The following PDE1C variants were observed in gnomAD, a reference collection of about 807,000 sequenced individuals.
PDE1C encodes the protein dual specificity calcium/calmodulin-dependent 3',5'-cyclic nucleotide phosphodiesterase 1C.
In PDE1C, 62 loss-of-function variants were observed where a neutral mutation model predicts 93.1. The ratio of observed to expected loss-of-function variants is 0.67; its 90% CI spans 0.54 to 0.82. PDE1C has a LOEUF of 0.82. Ranked by LOEUF, PDE1C falls within the 40% of genes least tolerant of loss-of-function variation. The pLI is 0.00. For missense variants in PDE1C, 742 were observed against 884.6 expected, an observed-to-expected ratio of 0.84 and a Z score of 2.04; for synonymous variants, 325 against 310.1, an observed-to-expected ratio of 1.05 and a Z score of -0.50.
chr7:32,166,730 G>A (rs1802304027), intron 3 of PDE1C, among the ~76,000 whole-genome samples: 1 of 152,184 alleles, frequency 6.6e-6, no homozygotes, highest in African/African-American at 2.4e-5. Flanking sequence ...TTAATCCAGT[G>A]ACAATCCAGA....
intron 1 of PDE1C, among the ~76,000 whole-genome samples, chr7:32,325,017 C>A (rs1282044096): frequency 6.6e-6 from 1 of 152,158 alleles, no homozygotes; most frequent in Non-Finnish European, 1.5e-5. Context: ...CTTATTTGAC[C>A]AAGGAACCTT....
the PDE1C span, among the ~76,000 whole-genome samples, chr7:31,743,527 TCAGCATTGA>T: frequency 6.6e-6 from 1 of 151,410 alleles, no homozygotes; most frequent in Non-Finnish European, 1.5e-5. Context: ...TAAAACCACA[TCAGCATTGA>T]GAAGTTCGCT....
At chr7:32,146,254 C>A (rs1800828636) in intron 3 of PDE1C, among the ~76,000 whole-genome samples, 1 of 152,154 alleles carries the variant, frequency 6.6e-6, no homozygotes, top group Admixed American at 6.5e-5. Context: ...TTTCCCATTG[C>A]CACTGGAGCA....
At chr7:32,168,720 G>A (rs1802459832) in intron 3 of PDE1C, among the ~76,000 whole-genome samples, 1 of 152,124 alleles carries the variant, frequency 6.6e-6, no homozygotes, top group Non-Finnish European at 1.5e-5. Context: ...TCTCACTAAT[G>A]TACTCGTCAC....
rs748750714 is a variant in PDE1C at position 31,939,398 on chromosome 7, C to T, written c.129-58538G>A. On this transcript the variant is annotated intron_variant, in intron 2 of 17. Transcript: ENST00000396191. ...TTTGACAAGAGTTAAAAGGAACACA[C>T]GAGTTTAAGATAAACCCTGCCTTTG... Among the ~76,000 whole-genome samples, 4 of 152,080 alleles carry T rather than the reference C, an allele frequency of 2.6e-5. No individual in the cohort carries two copies. The South Asian group carries it at 8.3e-4, about 32-fold the overall frequency.
chr7:32,161,646 A>G (rs1264926115), intron 3 of PDE1C, among the ~76,000 whole-genome samples: 4 of 151,970 alleles, frequency 2.6e-5, no homozygotes, highest in Non-Finnish European at 5.9e-5. Context: ...TTCCCTGCAT[A>G]TTTTGGGTCT....
At chr7:32,029,352 CA>C (rs373250706) in intron 2 of PDE1C, among the ~76,000 whole-genome samples, 3 of 152,228 alleles carry the variant, frequency 2.0e-5, no homozygotes, top group Non-Finnish European at 4.4e-5. Context: ...AGTATTTATC[CA>C]AAGGATTTGA....
chr7:32,298,001 T>C (rs1167563341), intron 1 of PDE1C, among the ~76,000 whole-genome samples: 1 of 40,908 alleles, frequency 2.4e-5, no homozygotes, highest in African/African-American at 1.4e-4. Context: ...CTCTCTCCTC[T>C]CTCTCTCTCT....
chr7:32,313,593 G>A (rs988626120), intron 1 of PDE1C, among the ~76,000 whole-genome samples: 5 of 152,072 alleles, frequency 3.3e-5, no homozygotes, highest in African/African-American at 1.2e-4. Flanking sequence ...ATGAGTTCAT[G>A]TCCTTTGTGG....
chr7:31,662,824 T>C, the PDE1C span, among the ~76,000 whole-genome samples: 1 of 152,328 alleles, frequency 6.6e-6, no homozygotes, highest in South Asian at 2.1e-4. Context: ...AGCTAGATGA[T>C]TTCCAAATTC....
chr7:32,345,490 G>T (rs377605564), intron 1 of PDE1C, among the ~76,000 whole-genome samples: 2 of 152,076 alleles, frequency 1.3e-5, no homozygotes, highest in African/African-American at 2.4e-5. Flanking sequence ...AAGAGAAAAA[G>T]AATTTATAAA....
chr7:31,836,883 G>GA (rs1053213285), intron 11 of PDE1C, among the ~76,000 whole-genome samples: 2 of 150,388 alleles, frequency 1.3e-5, no homozygotes, highest in Non-Finnish European at 3.0e-5. Context: ...CGAGCCACTA[G>GA]AAAAAAAAAG....
At chr7:31,669,579 G>C in the PDE1C span, among the ~76,000 whole-genome samples, 1 of 152,170 alleles carries the variant, frequency 6.6e-6, no homozygotes, top group Non-Finnish European at 1.5e-5. Flanking sequence ...CAACAAAATG[G>C]GTTTTCTTCA....
chr7:32,387,196 G>T (rs1302366026), intron 1 of PDE1C, among the ~76,000 whole-genome samples: 1 of 151,652 alleles, frequency 6.6e-6, no homozygotes, highest in Admixed American at 6.6e-5. Flanking sequence ...TTGGGGATAA[G>T]GTCACAGATC....
the PDE1C span, among the ~76,000 whole-genome samples, chr7:31,714,140 C>A: frequency 1.3e-5 from 2 of 152,308 alleles, no homozygotes; most frequent in East Asian, 3.9e-4. Flanking sequence ...ATGCTTTTAA[C>A]AGCACCCAAG....
chr7:32,421,289 C>T (rs1785428762), intron 1 of PDE1C, among the ~76,000 whole-genome samples: 1 of 152,176 alleles, frequency 6.6e-6, no homozygotes, highest in Non-Finnish European at 1.5e-5. Context: ...TCTCTCTCAT[C>T]CCACTCCCTT....
At chr7:32,070,436 T>G, upstream of PDE1C, 1 of 1,609,580 alleles carries the variant, frequency 6.2e-7, no homozygotes, top group Non-Finnish European at 8.5e-7. Context: ...TGAGATAGTT[T>G]GGGCTGTCCC....
At chr7:31,707,403 A>G in the PDE1C span, 2 of 782,288 alleles carry the variant, frequency 2.6e-6, no homozygotes, top group Non-Finnish European at 4.1e-6. Context: ...AGATTCAGAC[A>G]CCTTCTCCCC....
At chr7:31,795,308 G>T (rs1028999825) in intron 16 of PDE1C, among the ~76,000 whole-genome samples, 1 of 151,736 alleles carries the variant, frequency 6.6e-6, no homozygotes, top group African/African-American at 2.4e-5. Flanking sequence ...ATTGTTACTT[G>T]TGTTTCTCCA....
Sources: gnomAD v4.1 joint callset for allele counts (sites outside exome capture counted in the v4.1 genomes callset) on GRCh38, gnomAD v4.1.1 for gene constraint, MANE v1.5 for transcripts, NCBI Gene and HGNC (gene_info 2026-07-23, HGNC 2026-07-21) for gene names.